CREB5: variants seen among roughly 807,000 people sequenced by gnomAD.
CREB5 encodes cAMP responsive element binding protein 5.
Under a neutral mutation model 57.1 loss-of-function variants are expected in CREB5, and 19 were observed. The ratio of observed to expected loss-of-function variants is 0.33; its 90% CI spans 0.23 to 0.49. The LOEUF (loss-of-function observed/expected upper bound fraction) is 0.49. Among genes scored for constraint, CREB5 ranks in the 20% least tolerant of loss-of-function variants. The pLI, the probability that CREB5 is intolerant of heterozygous loss-of-function variation, is 0.99. For synonymous variants in CREB5, 238 were observed against 238.3 expected, an observed-to-expected ratio of 1.00 and a Z score of 0.01; for missense variants, 579 against 671.6, an observed-to-expected ratio of 0.86 and a Z score of 1.52.
chr7:28,404,144 C>T (rs1230632950), intron 1 of CREB5, among the ~76,000 whole-genome samples: 1 of 152,168 alleles, frequency 6.6e-6, no homozygotes, highest in African/African-American at 2.4e-5. Flanking sequence ...TGCCAACTCT[C>T]TGCTTTCTGT....
At position 28,532,218 on chromosome 7, in the gene CREB5, A is replaced by T. The variant is rs561074921; in HGVS notation, c.291+24481A>T. Among the ~76,000 whole-genome samples, 16 of 152,308 alleles carry T rather than the reference A, an allele frequency of 1.1e-4. 1 individual carries two copies. Among genetic ancestry groups the T allele is most frequent in the Admixed American group, 9.1e-4 (14 of 15,310 alleles). On this transcript the variant is annotated intron_variant, in intron 4 of 10. Transcript: ENST00000357727. Reference sequence around the variant, plus strand: ...CTGAAGCCCCCTGCCAAACAGCTATAGGAGAGACTCATCTTGGAAGCAGAT... The same window carrying T: ...CTGAAGCCCCCTGCCAAACAGCTATTGGAGAGACTCATCTTGGAAGCAGAT...
intron 4 of CREB5, among the ~76,000 whole-genome samples, chr7:28,530,875 A>G (rs1283823327): frequency 6.6e-6 from 1 of 152,186 alleles, no homozygotes; most frequent in East Asian, 1.9e-4. Context: ...TGGCCTTATT[A>G]AGACAAGATC....
chr7:28,637,130 G>A (rs1211326786), intron 5 of CREB5, among the ~76,000 whole-genome samples: 1 of 151,650 alleles, frequency 6.6e-6, no homozygotes, highest in Non-Finnish European at 1.5e-5. Flanking sequence ...CTCCAGCCTG[G>A]GTAACAGAAT....
intron 9 of CREB5, among the ~76,000 whole-genome samples, chr7:28,814,139 T>C (rs1200035287): frequency 2.0e-5 from 3 of 152,250 alleles, no homozygotes; most frequent in East Asian, 1.9e-4. Flanking sequence ...AAACATTTGC[T>C]ATCTGGTTGT....
chr7:28,681,550 C>T (rs903789560), intron 5 of CREB5, among the ~76,000 whole-genome samples: 1 of 152,026 alleles, frequency 6.6e-6, no homozygotes, highest in African/African-American at 2.4e-5. Flanking sequence ...TTCTTAGGGA[C>T]CTACTATGTA....
intron 5 of CREB5, among the ~76,000 whole-genome samples, chr7:28,633,899 G>A (rs1472198975): frequency 6.6e-6 from 1 of 152,188 alleles, no homozygotes; most frequent in African/African-American, 2.4e-5. Context: ...CCTATAAAGT[G>A]AGACCAAATC....
chr7:28,668,635 G>T (rs1476278306), intron 5 of CREB5, among the ~76,000 whole-genome samples: 1 of 152,110 alleles, frequency 6.6e-6, no homozygotes, highest in Non-Finnish European at 1.5e-5. Context: ...GTTCACAAAG[G>T]GTTAGGTTTT....
intron 5 of CREB5, among the ~76,000 whole-genome samples, chr7:28,717,780 TTTTG>T (rs1396907898): frequency 6.6e-6 from 1 of 152,108 alleles, no homozygotes; most frequent in Non-Finnish European, 1.5e-5. Context: ...CCTGGGAGGT[TTTTG>T]TTTGTTTGTT....
intron 4 of CREB5, among the ~76,000 whole-genome samples, chr7:28,522,526 G>A (rs1376409383): frequency 3.3e-5 from 5 of 151,426 alleles, no homozygotes; most frequent in Non-Finnish European, 7.4e-5. Context: ...CTCCCAAGTA[G>A]CTGGGATTAT....
rs1176366238 is a variant in CREB5 at position 28,570,530 on chromosome 7, C to A, written c.457C>A (p.Gln153Lys). The A allele has an allele frequency of 2.5e-6, 4 of 1,613,804 alleles. No individual in the cohort carries two copies. The highest frequency in any genetic ancestry group is 3.4e-6 in the Non-Finnish European group (4 of 1,179,856). Reference protein sequence around the residue: ...VITQAPSTNRQIGPVPGSLSS... With the variant: ...VITQAPSTNRKIGPVPGSLSS... ...CACTCAGGCACCTTCCACCAACCGC[C>A]AGATCGGGTAAGGAGCCCTCCTTGG... The change falls in exon 5 of 11, where the codon CAG becomes AAG. Residue 153 changes from glutamine to lysine, a missense_variant. Gln to Lys is a moderately conservative substitution (Grantham distance 53). Transcript: ENST00000357727.
intron 9 of CREB5, among the ~76,000 whole-genome samples, chr7:28,812,845 T>C (rs17669844): frequency 0.26 from 39,419 of 152,034 alleles, 5,423 homozygotes; most frequent in Non-Finnish European, 0.29. Flanking sequence ...TAAACAGAAA[T>C]GGAAGGTGCT....
chr7:28,309,527 C>T (rs945516328), intron 1 of CREB5, among the ~76,000 whole-genome samples: 6 of 152,102 alleles, frequency 3.9e-5, no homozygotes, highest in African/African-American at 9.7e-5. Context: ...TGACATCCTG[C>T]TTAACCCTCA....
At chr7:28,738,249 C>T (rs1804144558) in intron 7 of CREB5, among the ~76,000 whole-genome samples, 1 of 152,154 alleles carries the variant, frequency 6.6e-6, no homozygotes, top group African/African-American at 2.4e-5. Context: ...TCATGCCATG[C>T]CAACTTTTGG....
intron 5 of CREB5, chr7:28,686,202 G>GT: frequency 1.9e-6 from 3 of 1,607,392 alleles, no homozygotes; most frequent in Non-Finnish European, 2.6e-6. Context: ...CATGAGGTTT[G>GT]TTTTTAATTT....
intron 5 of CREB5, among the ~76,000 whole-genome samples, chr7:28,605,406 T>C (rs1797091488): frequency 6.6e-6 from 1 of 152,228 alleles, no homozygotes; most frequent in Non-Finnish European, 1.5e-5. Context: ...ACCAAGCATT[T>C]ATCTCTCATT....
chr7:28,330,401 CTTTT>C (rs10699932), intron 1 of CREB5, among the ~76,000 whole-genome samples: 1 of 88,538 alleles, frequency 1.1e-5, no homozygotes, highest in Admixed American at 1.3e-4. Flanking sequence ...GAGAACCTTA[CTTTT>C]TTTTTTTTTT....
chr7:28,314,158 A>C (rs1032287284), intron 1 of CREB5, among the ~76,000 whole-genome samples: 1 of 152,168 alleles, frequency 6.6e-6, no homozygotes, highest in African/African-American at 2.4e-5. Flanking sequence ...AGCGATCCTG[A>C]TGTTTCTTGT....
intron 5 of CREB5, among the ~76,000 whole-genome samples, chr7:28,654,464 T>C (rs1339144620): frequency 2.0e-5 from 3 of 152,234 alleles, no homozygotes; most frequent in South Asian, 2.1e-4. Flanking sequence ...CTTATAAATA[T>C]ATTATGAAGC....
In CREB5 at chr7:28,560,917, T is replaced by TGCGCGC. The variant is rs1170124048; in HGVS notation, c.292-9447_292-9446insCGCGCG. Among the ~76,000 whole-genome samples the TGCGCGC allele has an allele frequency of 9.9e-5, 8 of 80,856 alleles. 2 individuals carry two copies. Among genetic ancestry groups the TGCGCGC allele is most frequent in the Non-Finnish European group, 1.6e-4 (7 of 44,170 alleles). 53.0% of individuals were successfully genotyped at this position (80,856 alleles called of 152,430 possible). ...GTGTGCGTGCGCGCGTGCGTGTGCGTGTGTGCGCGTGCGTGTGTGCGTGCG... is the reference window on the plus strand; with the variant it reads ...GTGTGCGTGCGCGCGTGCGTGTGCGTGCGCGCGTGTGCGCGTGCGTGTGTGCGTGCG... On this transcript the variant is annotated intron_variant, in intron 4 of 10. Transcript: ENST00000357727.
Sources: allele counts gnomAD v4.1 joint callset (sites outside exome capture counted in the v4.1 genomes callset), GRCh38; gene constraint gnomAD v4.1.1; transcripts MANE v1.5; gene names NCBI Gene and HGNC (gene_info 2026-07-23, HGNC 2026-07-21).